The following MLLT1 variants were observed in gnomAD, a reference collection of about 807,000 sequenced individuals.
MLLT1 encodes the protein protein ENL.
In MLLT1, 11 loss-of-function variants were observed where a neutral mutation model predicts 55.1. The ratio of observed to expected loss-of-function variants is 0.20; its 90% CI spans 0.13 to 0.33. MLLT1 has a LOEUF of 0.33. MLLT1 is among the 10% of genes least tolerant of loss of function. The probability of loss-of-function intolerance (pLI) is 1.00; values close to 1 mark genes in which losing one functional copy is unlikely to be tolerated. For missense variants in MLLT1, 536 were observed against 760.6 expected, an observed-to-expected ratio of 0.70 and a Z score of 3.47; for synonymous variants, 323 against 320.1, an observed-to-expected ratio of 1.01 and a Z score of -0.10.
At chr19:6,241,348 G>A (rs368506883) in intron 3 of MLLT1, among the ~76,000 whole-genome samples, 1 of 152,206 alleles carries the variant, frequency 6.6e-6, no homozygotes, top group Non-Finnish European at 1.5e-5. Flanking sequence ...TAGCACCCCC[G>A]CTGGACAGCA....
chr19:6,221,942 C>G (rs2090901789), intron 6 of MLLT1, among the ~76,000 whole-genome samples, 179 bp downstream of exon 6: 1 of 152,222 alleles, frequency 6.6e-6, no homozygotes, highest in Admixed American at 6.5e-5. Context: ...ACCTGACAGA[C>G]AGGGAAACCG....
rs1327253057 is a variant in MLLT1 at position 6,212,992 on chromosome 19, C to G, written c.*50G>C. 1 of 1,602,286 alleles carries G rather than the reference C, an allele frequency of 6.2e-7. No homozygotes were observed. The highest frequency in any genetic ancestry group is 8.5e-7 in the Non-Finnish European group (1 of 1,173,720). On this transcript the variant is annotated 3_prime_UTR_variant, in exon 12 of 12. Coordinates refer to ENST00000252674, the MANE Select transcript of MLLT1 (RefSeq NM_005934.4). The stretch of plus-strand genomic sequence containing the variant: ...GGAGAGGAGGGCAGGCGAGGCCTGG[C>G]TGCAGCCTCCCAGGACCCCGGCGGT...
chr19:6,244,751 T>A (rs2091151001), intron 3 of MLLT1, among the ~76,000 whole-genome samples: 1 of 152,186 alleles, frequency 6.6e-6, no homozygotes, highest in Non-Finnish European at 1.5e-5. Flanking sequence ...TAACCCAATT[T>A]TTTTTAATGA....
chr19:6,253,264 C>CAAAA (rs71172800), intron 3 of MLLT1, among the ~76,000 whole-genome samples: 289 of 24,616 alleles, frequency 0.012, 14 homozygotes, highest in East Asian at 0.017. Context: ...GACCCCATCT[C>CAAAA]AAAAAAAAAA....
intron 3 of MLLT1, among the ~76,000 whole-genome samples, chr19:6,248,947 G>C (rs1395982622): frequency 6.6e-6 from 1 of 152,104 alleles, no homozygotes; most frequent in South Asian, 2.1e-4. Flanking sequence ...AACTATGAGA[G>C]ATTCCCAGTC....
At chr19:6,264,630 C>T (rs1166590494) in intron 2 of MLLT1, among the ~76,000 whole-genome samples, 2 of 151,942 alleles carry the variant, frequency 1.3e-5, no homozygotes, top group Non-Finnish European at 2.9e-5. Flanking sequence ...TACAGCCAGG[C>T]ACCACAGCTC....
chr19:6,272,245 C>T (rs750033501), intron 1 of MLLT1, among the ~76,000 whole-genome samples: 31 of 152,194 alleles, frequency 2.0e-4, no homozygotes, highest in Non-Finnish European at 4.3e-4. Flanking sequence ...TGCACACAGG[C>T]GCACACGTGC....
intron 5 of MLLT1, among the ~76,000 whole-genome samples, chr19:6,224,871 AG>A (rs1349086312): frequency 6.6e-6 from 1 of 152,134 alleles, no homozygotes; most frequent in Non-Finnish European, 1.5e-5. Flanking sequence ...CTGGGATTAC[AG>A]GCGCCCGCCA....
chr19:6,258,527 C>A (rs2091277326), intron 3 of MLLT1, among the ~76,000 whole-genome samples: 1 of 152,204 alleles, frequency 6.6e-6, no homozygotes, highest in African/African-American at 2.4e-5. Flanking sequence ...TCAGATGAGG[C>A]CTTCCAAATT....
intron 2 of MLLT1, among the ~76,000 whole-genome samples, chr19:6,266,910 C>A (rs1360701369): frequency 6.6e-6 from 1 of 151,980 alleles, no homozygotes; most frequent in Non-Finnish European, 1.5e-5. Context: ...GGATAAGAGT[C>A]CGTTGTGATT....
At chr19:6,213,236 C>CA in intron 11 of MLLT1, 66 bp from the exon 12 acceptor site, 3 of 1,611,048 alleles carry the variant, frequency 1.9e-6, no homozygotes. Flanking sequence ...TGTTCCCTAA[C>CA]AGAGGTAGGG....
Position 6,226,225 on chromosome 19 carries a change from C to T in MLLT1, c.546+752G>A, listed in dbSNP as rs946486049. Among the ~76,000 whole-genome samples the T allele has an allele frequency of 5.4e-4, 82 of 152,310 alleles. No individual in the cohort carries two copies. Among genetic ancestry groups the T allele is most frequent in the African/African-American group, 1.7e-3 (69 of 41,558 alleles). On this transcript the variant is annotated intron_variant, in intron 5 of 11. Coordinates refer to ENST00000252674, the MANE Select transcript of MLLT1 (RefSeq NM_005934.4). The surrounding 1 kb of genome is among the most constrained non-coding windows in gnomAD (Gnocchi z 6.3). The stretch of plus-strand genomic sequence containing the variant: ...GGAGAGATGTGTGGGTGGCAGGCAC[C>T]GGGCAGCTGCCCCGAGGGCCCGTGC...
Position 6,222,636 on chromosome 19 carries a change from T to G in MLLT1, c.595A>C (p.Lys199Gln), listed in dbSNP as rs1426719517. The change falls in exon 6 of 12, where the codon AAG becomes CAG. Residue 199 changes from lysine (K) to glutamine (Q), a missense_variant. Physicochemically the swap from Lys to Gln is moderately conservative, Grantham distance 53. Around this residue, in one of 3 missense-constraint regions of MLLT1, gnomAD observed 449 missense variants for 489.0 expected, o/e 0.92. Transcript: ENST00000252674. The surrounding 1 kb of genome is among the most constrained non-coding windows in gnomAD (Gnocchi z 4.1). ...SKTSKPHKVT[K>Q]EHRERPRKDS... ...TTGCGGGGCCGCTCCCGGTGCTCCT[T>G]GGTCACCTTGTGTGGCTTGGAGGTC... 1.3e-6 allele frequency: 2 copies of G among 1,583,782 alleles called. No individual in the cohort carries two copies. Among genetic ancestry groups the G allele is most frequent in the Non-Finnish European group, 1.7e-6 (2 of 1,171,588 alleles).
intron 3 of MLLT1, among the ~76,000 whole-genome samples, chr19:6,242,157 G>C (rs2091120175): frequency 6.6e-6 from 1 of 152,216 alleles, no homozygotes; most frequent in African/African-American, 2.4e-5. Context: ...CTCAAACTGA[G>C]CGCACGCAGG....
intron 3 of MLLT1, among the ~76,000 whole-genome samples, chr19:6,239,599 A>C (rs1025863054): frequency 6.6e-6 from 1 of 152,060 alleles, no homozygotes; most frequent in African/African-American, 2.4e-5. Flanking sequence ...GTGTACTCAC[A>C]CATGCACATG....
intron 6 of MLLT1, among the ~76,000 whole-genome samples, chr19:6,218,581 G>A (rs1004944870): frequency 7.9e-5 from 12 of 152,170 alleles, no homozygotes; most frequent in Admixed American, 2.6e-4. Context: ...AAGAGCGTGC[G>A]TGCACAGGGG....
rs1241811752 is a variant in MLLT1 at position 6,256,483 on chromosome 19, G to A, written c.276+5745C>T. ...AAAAAAGAAAAAAAAGGCGGGGCAC[G>A]GTGGCTCACGCCTGTAATCTCAGCA... On this transcript the variant is annotated intron_variant, in intron 3 of 11. Coordinates refer to ENST00000252674, the MANE Select transcript of MLLT1 (RefSeq NM_005934.4). This position sits in a 1 kb window ranked among gnomAD's most constrained non-coding sequence, Gnocchi z 4.1. Among the ~76,000 whole-genome samples, 3 of 151,496 alleles carry A rather than the reference G, an allele frequency of 2.0e-5. No homozygotes were observed. The highest frequency in any genetic ancestry group is 4.9e-5 in the African/African-American group (2 of 41,220).
intron 3 of MLLT1, among the ~76,000 whole-genome samples, chr19:6,237,554 G>A (rs376595263): frequency 1.3e-5 from 2 of 149,266 alleles, no homozygotes; most frequent in African/African-American, 2.5e-5. Context: ...TCAGGAGATC[G>A]AGACCATCCT....
chr19:6,279,952 A>G lies in MLLT1; in HGVS notation c.-168T>C. On this transcript the variant is annotated 5_prime_UTR_variant, in exon 1 of 12. Coordinates refer to ENST00000252674, the MANE Select transcript of MLLT1 (RefSeq NM_005934.4). Reference sequence around the variant, plus strand: ...CGCCCGCCAGCCCCGCGGAACCGGAAACCACCGCCAGCCCGGGTCGCGCAC... The same window carrying G: ...CGCCCGCCAGCCCCGCGGAACCGGAGACCACCGCCAGCCCGGGTCGCGCAC... The G allele has an allele frequency of 6.1e-6, 1 of 163,564 alleles. No homozygotes were observed. Among genetic ancestry groups the G allele is most frequent in the Non-Finnish European group, 1.3e-5 (1 of 78,624 alleles). 10.1% of individuals were successfully genotyped at this position (163,564 alleles called of 1,614,324 possible).
Sources: gnomAD v4.1 joint callset for allele counts (sites outside exome capture counted in the v4.1 genomes callset) on GRCh38, gnomAD v4.1.1 for gene constraint, gnomAD v4.1.1 regional missense constraint, Gnocchi (gnomAD v3.1) non-coding constraint, MANE v1.5 for transcripts, NCBI Gene and HGNC (gene_info 2026-07-23, HGNC 2026-07-21) for gene names.